POLA2: variants seen among roughly 807,000 people sequenced by gnomAD.
POLA2 encodes DNA polymerase alpha subunit B.
POLA2 carries 47 observed loss-of-function variants against 82.8 expected under a neutral mutation model. The ratio of observed to expected loss-of-function variants is 0.57; its 90% CI spans 0.45 to 0.72. POLA2 has a LOEUF of 0.72. POLA2 is among the 30% of genes least tolerant of loss of function. The probability of loss-of-function intolerance (pLI) is 0.00; values close to 1 mark genes in which losing one functional copy is unlikely to be tolerated. For synonymous variants in POLA2, 287 were observed against 286.8 expected, an observed-to-expected ratio of 1.00 and a Z score of -0.01; for missense variants, 634 against 728.1, an observed-to-expected ratio of 0.87 and a Z score of 1.49.
rs765625634 is a variant in POLA2 at position 65,294,635 on chromosome 11, G to A, written c.1443G>A (p.Gly481=). The change falls in exon 15 of 18, where the codon GGG becomes GGA. Residue 481 remains glycine (G), a synonymous_variant. Coordinates refer to ENST00000265465, the MANE Select transcript of POLA2 (RefSeq NM_002689.4). ...CCACAGATCTGCTTTTCCACCTGGG[G>A]GCCGAGGAGATCAGTAGGTAAGAAG... ...LTSTDLLFHL[G]AEEISSSSGT... 5 of 1,613,352 alleles carry A rather than the reference G, an allele frequency of 3.1e-6. No homozygotes were observed. The highest frequency in any genetic ancestry group is 1.3e-5 in the African/African-American group (1 of 74,988).
intron 2 of POLA2, among the ~76,000 whole-genome samples, chr11:65,267,259 G>A (rs1197031322): frequency 6.6e-6 from 1 of 152,134 alleles, no homozygotes; most frequent in East Asian, 1.9e-4. Context: ...CCCAGCAGGT[G>A]ATAAGTCTTC....
chr11:65,296,990 A>T, intron 17 of POLA2, 130 bp from the exon 18 acceptor site: 8 of 749,246 alleles, frequency 1.1e-5, no homozygotes, highest in Non-Finnish European at 1.8e-5. Context: ...GTGTCTGGTG[A>T]TTTGGTTGCC....
At chr11:65,304,560 G>A (rs1005884300) in intron 8 of POLA2, among the ~76,000 whole-genome samples, 7 of 152,210 alleles carry the variant, frequency 4.6e-5, no homozygotes, top group African/African-American at 1.7e-4. Context: ...ACAACGCCAC[G>A]GAGAGGTCCA....
At chr11:65,269,989 G>A (rs1014933045) in intron 4 of POLA2, among the ~76,000 whole-genome samples, 3 of 152,102 alleles carry the variant, frequency 2.0e-5, no homozygotes, top group African/African-American at 7.2e-5. Flanking sequence ...GCGCCACTAC[G>A]GCCAGCTAAT....
intron 7 of POLA2, 115 bp downstream of exon 7, chr11:65,279,741 C>G: frequency 1.3e-6 from 1 of 745,432 alleles, no homozygotes; most frequent in East Asian, 2.8e-5. Flanking sequence ...GTTTGAACAT[C>G]TGTCTTGGTT....
intron 11 of POLA2, 80 bp from the exon 12 acceptor site, chr11:65,288,970 C>T: frequency 7.7e-7 from 1 of 1,306,818 alleles, no homozygotes; most frequent in Non-Finnish European, 1.1e-6. Context: ...AGAGAACTGC[C>T]AGAGGAGGTA....
chr11:65,283,617 A>T (rs1330937410), intron 10 of POLA2, among the ~76,000 whole-genome samples: 1 of 151,770 alleles, frequency 6.6e-6, no homozygotes, highest in Non-Finnish European at 1.5e-5. Context: ...TTACAGGCGT[A>T]CACCACACCC....
At position 65,262,060 on chromosome 11, in the gene POLA2, C is replaced by T. The variant is rs1037304395; in HGVS notation, c.-233C>T. The T allele has an allele frequency of 3.6e-6, 2 of 561,870 alleles. No individual in the cohort carries two copies. Among genetic ancestry groups the T allele is most frequent in the African/African-American group, 3.8e-5 (2 of 52,132 alleles). The allele number at this position is 561,870 out of a possible 1,614,324, so 34.8% of individuals were successfully genotyped here. A position where few individuals can be genotyped will look rare whatever the true frequency, so the allele number is the denominator to read the frequency against. ...TCTCGAGATTTCTGCTCCCTCCATT[C>T]AGGGCGTTTGGGAGCCACCCCTTCA... On this transcript the variant is annotated 5_prime_UTR_variant, in exon 1 of 18. Transcript: ENST00000265465.
chr11:65,302,727 T>C (rs966325195), downstream of POLA2, among the ~76,000 whole-genome samples: 5 of 148,194 alleles, frequency 3.4e-5, no homozygotes, highest in Non-Finnish European at 7.5e-5. Context: ...CCTGTTTGAA[T>C]TTTTTTTTTT....
At position 65,282,358 on chromosome 11, in the gene POLA2, C is replaced by T. The variant is rs966891501; in HGVS notation, c.964-121C>T. On this transcript the variant is annotated intron_variant, in intron 9 of 17. Coordinates refer to ENST00000265465, the MANE Select transcript of POLA2 (RefSeq NM_002689.4). ...GAGGCACATCCTTCCCCTGCCCTCT[C>T]GCTCCTCCCCACTGTCCTCCCATCA... 51 of 774,836 alleles carry T rather than the reference C, an allele frequency of 6.6e-5. No individual in the cohort carries two copies. In the African/African-American group the frequency reaches 6.7e-4, roughly 10 times the overall value. The allele number at this position is 774,836 out of a possible 1,614,324, so 48.0% of individuals were successfully genotyped here.
chr11:65,262,421 C>A, intron 1 of POLA2, 50 bp downstream of exon 1: 1 of 1,493,282 alleles, frequency 6.7e-7, no homozygotes, highest in East Asian at 2.5e-5. Context: ...CGCTCTCGCC[C>A]GAGTTCCTCG....
At chr11:65,302,077 G>A (rs890649194), downstream of POLA2, among the ~76,000 whole-genome samples, 1 of 152,156 alleles carries the variant, frequency 6.6e-6, no homozygotes, top group South Asian at 2.1e-4. Context: ...GGGCCCCTGG[G>A]AGGTCTCAGG....
downstream of POLA2, among the ~76,000 whole-genome samples, chr11:65,301,831 G>C (rs1170525561): frequency 3.3e-5 from 5 of 152,188 alleles, no homozygotes; most frequent in Non-Finnish European, 7.3e-5. Flanking sequence ...GGGACCTTCT[G>C]TCACCGTCAT....
intron 6 of POLA2, 81 bp downstream of exon 6, chr11:65,279,004 G>A: frequency 7.8e-7 from 1 of 1,282,356 alleles, no homozygotes; most frequent in Non-Finnish European, 1.1e-6. Context: ...CAGCTAGGCT[G>A]GTAGAACAAG....
In POLA2 at chr11:65,262,356, G is replaced by A. The variant is rs769391117; in HGVS notation, c.64G>A (p.Ala22Thr). 3.7e-6 allele frequency: 6 copies of A among 1,613,458 alleles called. No individual in the cohort carries two copies. The highest frequency in any genetic ancestry group is 1.7e-5 in the Admixed American group (1 of 59,966). ...LQIFGLDCEE[A>T]LIEKLVELCV... is the part of the protein sequence containing the mutation. ...GATCTTCGGCCTAGACTGCGAGGAG[G>A]CTCTAATTGAGAAATGTGAGTCCCG... Residue 22 changes from alanine to threonine, a missense_variant, in exon 1 of 18, where the codon GCT becomes ACT. Coordinates refer to ENST00000265465, the MANE Select transcript of POLA2 (RefSeq NM_002689.4).
At chr11:65,293,520 G>A (rs1949777123) in intron 13 of POLA2, among the ~76,000 whole-genome samples, 1 of 150,088 alleles carries the variant, frequency 6.7e-6, no homozygotes, top group African/African-American at 2.5e-5. Flanking sequence ...TGAGACACAA[G>A]TATCACTTGA....
At chr11:65,291,338 C>T (rs1387559404) in intron 13 of POLA2, among the ~76,000 whole-genome samples, 2 of 152,222 alleles carry the variant, frequency 1.3e-5, no homozygotes. Context: ...ACATTACCTT[C>T]TTGTACCAGC....
intron 4 of POLA2, among the ~76,000 whole-genome samples, chr11:65,275,493 T>C (rs576202148): frequency 6.6e-6 from 1 of 152,254 alleles, no homozygotes; most frequent in South Asian, 2.1e-4. Flanking sequence ...CCAAAGTAAG[T>C]AGTAATGTCC....
intron 10 of POLA2, among the ~76,000 whole-genome samples, chr11:65,283,496 G>T (rs1949662457): frequency 6.6e-6 from 1 of 151,390 alleles, no homozygotes; most frequent in Non-Finnish European, 1.5e-5. Context: ...TTGAGATGGA[G>T]TCTCGCTCTG....
Sources: gnomAD v4.1 joint callset for allele counts (sites outside exome capture counted in the v4.1 genomes callset) on GRCh38, gnomAD v4.1.1 for gene constraint, MANE v1.5 for transcripts, NCBI Gene and HGNC (gene_info 2026-07-23, HGNC 2026-07-21) for gene names.